Variants in STK32B observed in about 807,000 individuals in gnomAD.
STK32B encodes serine/threonine-protein kinase 32B.
Under a neutral mutation model 52.6 loss-of-function variants are expected in STK32B, and 43 were observed. That is an observed-to-expected ratio of 0.82 (90% CI 0.64 to 1.05). The LOEUF (loss-of-function observed/expected upper bound fraction) is 1.05. STK32B is among the 50% of genes least tolerant of loss of function. STK32B has a pLI of 0.00. For synonymous variants in STK32B, 238 were observed against 204.3 expected, an observed-to-expected ratio of 1.17 and a Z score of -1.41; for missense variants, 621 against 534.6, an observed-to-expected ratio of 1.16 and a Z score of -1.59.
chr4:5,076,968 G>A (rs1362662922), intron 1 of STK32B, among the ~76,000 whole-genome samples: 52 of 152,142 alleles, frequency 3.4e-4, no homozygotes, highest in Non-Finnish European at 2.9e-5. Flanking sequence ...TCAAGGAGGA[G>A]AGACAAAGGG....
chr4:5,446,620 G>C, intron 6 of STK32B, 53 bp from the exon 7 acceptor site: 2 of 1,508,260 alleles, frequency 1.3e-6, no homozygotes, highest in Non-Finnish European at 1.8e-6. Context: ...CTAAGGGGTG[G>C]TGGCCATAAA....
intron 4 of STK32B, among the ~76,000 whole-genome samples, chr4:5,391,007 C>CCAT (rs374695608): frequency 7.8e-6 from 1 of 128,748 alleles, no homozygotes; most frequent in African/African-American, 3.0e-5. Flanking sequence ...ACTCTGTTGC[C>CCAT]CACGCTGGAG....
At chr4:5,345,744 G>A (rs56859102) in intron 4 of STK32B, among the ~76,000 whole-genome samples, 3,190 of 152,312 alleles carry the variant, frequency 0.021, 86 homozygotes, top group East Asian at 0.11. Context: ...ATAACCTATG[G>A]TAATCAAGTT....
intron 4 of STK32B, among the ~76,000 whole-genome samples, chr4:5,374,776 G>C (rs1034952074): frequency 6.7e-6 from 1 of 149,684 alleles, no homozygotes; most frequent in Non-Finnish European, 1.5e-5. Flanking sequence ...ATATTGACGG[G>C]GGCGGGGGGG....
chr4:5,191,489 C>T (rs1188925485), intron 3 of STK32B, among the ~76,000 whole-genome samples: 1 of 152,012 alleles, frequency 6.6e-6, no homozygotes, highest in East Asian at 1.9e-4. Flanking sequence ...CTCCTGACCT[C>T]GTGATCTGCC....
At chr4:5,247,465 G>A (rs370501834) in intron 3 of STK32B, among the ~76,000 whole-genome samples, 21 of 152,280 alleles carry the variant, frequency 1.4e-4, no homozygotes, top group East Asian at 1.4e-3. Context: ...TCCAGGTGCC[G>A]TCTGTCATCC....
At chr4:5,375,941 C>T (rs1577413584) in intron 4 of STK32B, among the ~76,000 whole-genome samples, 1 of 152,168 alleles carries the variant, frequency 6.6e-6, no homozygotes, top group Non-Finnish European at 1.5e-5. Flanking sequence ...GGCTTACTCC[C>T]CTACCCACTT....
chr4:5,317,161 C>CATATATATAACATATAATAT lies in STK32B; in HGVS notation c.261-14042_261-14023dup, dbSNP rs1258612171. Among the ~76,000 whole-genome samples, 39 of 49,142 alleles carry CATATATATAACATATAATAT rather than the reference C, an allele frequency of 7.9e-4. 2 individuals carry two copies. Among genetic ancestry groups the CATATATATAACATATAATAT allele is most frequent in the South Asian group, 1.2e-3 (2 of 1,678 alleles). 32.2% of individuals were successfully genotyped at this position (49,142 alleles called of 152,430 possible). A position where few individuals can be genotyped will look rare whatever the true frequency, so the allele number is the denominator to read the frequency against. ...ATATATATGTATAATATACATATTA[C>CATATATATAACATATAATAT]ATATATATAACATATAATATATATA... On this transcript the variant is annotated intron_variant, in intron 3 of 11. Transcript: ENST00000282908.
chr4:5,289,333 G>A (rs954812559), intron 3 of STK32B, among the ~76,000 whole-genome samples: 1 of 152,194 alleles, frequency 6.6e-6, no homozygotes, highest in South Asian at 2.1e-4. Context: ...GTTGCTCTGG[G>A]TGAGTCAGTG....
intron 1 of STK32B, among the ~76,000 whole-genome samples, chr4:5,105,508 G>A (rs1577071609): frequency 6.6e-6 from 1 of 151,890 alleles, no homozygotes; most frequent in African/African-American, 2.4e-5. Flanking sequence ...TGAGATTCTG[G>A]CTCTGTGATA....
chr4:5,195,262 T>C (rs1721549085), intron 3 of STK32B, among the ~76,000 whole-genome samples: 1 of 152,206 alleles, frequency 6.6e-6, no homozygotes, highest in Non-Finnish European at 1.5e-5. Flanking sequence ...AAGATAGGGC[T>C]ATGGCTGTTT....
intron 6 of STK32B, chr4:5,436,501 G>A: frequency 2.8e-6 from 2 of 715,288 alleles, no homozygotes; most frequent in Non-Finnish European, 3.4e-6. Context: ...TCTGTGGCAT[G>A]TCAGAAAACT....
intron 5 of STK32B, among the ~76,000 whole-genome samples, chr4:5,411,661 C>A (rs1577461347): frequency 6.6e-6 from 1 of 152,148 alleles, no homozygotes; most frequent in Non-Finnish European, 1.5e-5. Context: ...GGAACCAGTT[C>A]CCCATGTGAA....
intron 1 of STK32B, among the ~76,000 whole-genome samples, chr4:5,071,586 T>C (rs188472809): frequency 5.3e-5 from 8 of 152,326 alleles, no homozygotes; most frequent in Admixed American, 5.2e-4. Context: ...GCATGTCATA[T>C]TTAATAAGTT....
intron 3 of STK32B, among the ~76,000 whole-genome samples, chr4:5,325,830 ATAATTC>A (rs1479445459): frequency 6.6e-6 from 1 of 152,218 alleles, no homozygotes; most frequent in Admixed American, 6.5e-5. Flanking sequence ...TTATGAGAAT[ATAATTC>A]TAATTCTAAT....
intron 11 of STK32B, among the ~76,000 whole-genome samples, chr4:5,489,551 A>T (rs1303630776): frequency 1.3e-5 from 2 of 152,186 alleles, no homozygotes; most frequent in African/African-American, 4.8e-5. Flanking sequence ...AGGCAAAAAA[A>T]CGTATGTAGA....
Position 5,176,441 on chromosome 4 carries a change from T to TTTTA in STK32B, c.260+7994_260+7995insATTT, listed in dbSNP as rs1224805847. ...GCTGTTCCTATTCGGCCATCATCTTTTTTTTTTTTTTTTTTTTTTAAGATG... is the reference window on the plus strand; with the variant it reads ...GCTGTTCCTATTCGGCCATCATCTTTTTTATTTTTTTTTTTTTTTTTTTAAGATG... On this transcript the variant is annotated intron_variant, in intron 3 of 11. Transcript: ENST00000282908. Among the ~76,000 whole-genome samples the TTTTA allele has an allele frequency of 1.4e-4, 21 of 146,972 alleles. No individual in the cohort carries two copies. In the East Asian group the frequency reaches 4.2e-3, roughly 30 times the overall value.
intron 4 of STK32B, among the ~76,000 whole-genome samples, chr4:5,377,018 C>T (rs533511939): frequency 3.9e-5 from 6 of 152,054 alleles, no homozygotes; most frequent in South Asian, 4.2e-4. Flanking sequence ...AAGAAGGGTC[C>T]GACTGCTACA....
intron 9 of STK32B, among the ~76,000 whole-genome samples, chr4:5,464,066 CAA>C (rs1717240468): frequency 6.6e-6 from 1 of 152,138 alleles, no homozygotes; most frequent in African/African-American, 2.4e-5. Flanking sequence ...GAAGGTGAAG[CAA>C]GAGCAGGTGT....
Sources: allele counts gnomAD v4.1 joint callset (sites outside exome capture counted in the v4.1 genomes callset), GRCh38; gene constraint gnomAD v4.1.1; transcripts MANE v1.5; gene names NCBI Gene and HGNC (gene_info 2026-07-23, HGNC 2026-07-21).